Variants in ADGRG6 observed in about 807,000 individuals in gnomAD.
ADGRG6 encodes the protein adhesion G protein-coupled receptor G6.
In ADGRG6, 84 loss-of-function variants were observed where a neutral mutation model predicts 142.4. The ratio of observed to expected loss-of-function variants is 0.59; its 90% CI spans 0.49 to 0.71. ADGRG6 has a LOEUF of 0.71. Ranked by LOEUF, ADGRG6 falls within the 30% of genes least tolerant of loss-of-function variation. The probability of loss-of-function intolerance (pLI) is 0.00; values close to 1 mark genes in which losing one functional copy is unlikely to be tolerated. For synonymous variants in ADGRG6, 521 were observed against 520.5 expected (o/e 1.00, Z -0.01); for missense variants, 1,367 against 1,466.6 (o/e 0.93, Z 1.11).
intron 22 of ADGRG6, among the ~76,000 whole-genome samples, chr6:142,425,283 G>GGTAGCAGTTCCCCAA (rs1365575134): frequency 1.3e-5 from 2 of 152,158 alleles, no homozygotes; most frequent in Admixed American, 1.3e-4. Context: ...GGTAGGAGGA[G>GGTAGCAGTTCCCCAA]ACTCTCAGTG....
At chr6:142,400,675 CT>C in intron 11 of ADGRG6, 79 bp downstream of exon 11, 1 of 738,256 alleles carries the variant, frequency 1.4e-6, no homozygotes, top group Non-Finnish European at 2.4e-6. Flanking sequence ...CACGGTAGTT[CT>C]TAGGCATTAT....
intron 2 of ADGRG6, among the ~76,000 whole-genome samples, chr6:142,356,763 T>C (rs1278576702): frequency 6.6e-6 from 1 of 152,146 alleles, no homozygotes; most frequent in Non-Finnish European, 1.5e-5. Flanking sequence ...CATGGTTTGC[T>C]AATGGAGGAG....
chr6:142,321,598 T>A (rs536171452), intron 2 of ADGRG6, among the ~76,000 whole-genome samples: 1 of 151,910 alleles, frequency 6.6e-6, no homozygotes, highest in South Asian at 2.1e-4. Flanking sequence ...GGACATAGAG[T>A]ACGTACTCTA....
chr6:142,322,229 G>A (rs903439629), intron 2 of ADGRG6, among the ~76,000 whole-genome samples: 1 of 151,858 alleles, frequency 6.6e-6, no homozygotes, highest in Non-Finnish European at 1.5e-5. Context: ...GCGAGACCTC[G>A]TCTCCACAAA....
intron 22 of ADGRG6, among the ~76,000 whole-genome samples, chr6:142,425,988 G>C (rs1776923108): frequency 6.6e-6 from 1 of 152,116 alleles, no homozygotes. Flanking sequence ...ACCTTCCACT[G>C]GGTTCCTCCC....
chr6:142,341,483 A>G (rs1779628994), intron 2 of ADGRG6, among the ~76,000 whole-genome samples: 1 of 118,880 alleles, frequency 8.4e-6, no homozygotes, highest in African/African-American at 3.3e-5. Flanking sequence ...TGTAGTATAT[A>G]TACTATATAA....
intron 2 of ADGRG6, among the ~76,000 whole-genome samples, chr6:142,356,063 C>T (rs970959705): frequency 1.3e-5 from 2 of 152,178 alleles, no homozygotes; most frequent in African/African-American, 2.4e-5. Flanking sequence ...TTGCCTCACC[C>T]CCAGCCCAGT....
At chr6:142,359,223 AAAAG>A (rs1370124495) in intron 2 of ADGRG6, among the ~76,000 whole-genome samples, 1 of 151,474 alleles carries the variant, frequency 6.6e-6, no homozygotes, top group East Asian at 1.9e-4. Context: ...AAAAAAAAAA[AAAAG>A]TGCTAAACAA....
chr6:142,341,591 T>C (rs1247272979), intron 2 of ADGRG6, among the ~76,000 whole-genome samples: 1 of 124,030 alleles, frequency 8.1e-6, no homozygotes, highest in East Asian at 2.1e-4. Context: ...TATATAATAT[T>C]ATATATTATA....
intron 2 of ADGRG6, among the ~76,000 whole-genome samples, chr6:142,326,811 G>C (rs1443270714): frequency 1.3e-5 from 2 of 151,992 alleles, no homozygotes; most frequent in African/African-American, 4.8e-5. Flanking sequence ...GTGTGTGGAG[G>C]GGCATGAGTG....
In ADGRG6 at chr6:142,342,939, G is replaced by A. The variant is rs541136748; in HGVS notation, c.104-24630G>A. On this transcript the variant is annotated intron_variant, in intron 2 of 24. Coordinates refer to ENST00000367609, the MANE Select transcript of ADGRG6 (RefSeq NM_198569.3). ...ATTTACTCATGTTATTATTACCTTTGTGTATATTTCAACATGACTTGCAGA... is the reference window on the plus strand; with the variant it reads ...ATTTACTCATGTTATTATTACCTTTATGTATATTTCAACATGACTTGCAGA... Among the ~76,000 whole-genome samples, 10 of 151,592 alleles carry A rather than the reference G, an allele frequency of 6.6e-5. No homozygotes were observed. The East Asian group carries it at 1.7e-3, about 26-fold the overall frequency.
chr6:142,366,340 T>C (rs1780940213), intron 2 of ADGRG6, among the ~76,000 whole-genome samples: 1 of 152,188 alleles, frequency 6.6e-6, no homozygotes, highest in African/African-American at 2.4e-5. Flanking sequence ...TTACATTCCA[T>C]GGGAAAAACC....
chr6:142,315,817 T>A (rs1026695305), intron 2 of ADGRG6, among the ~76,000 whole-genome samples: 18 of 141,656 alleles, frequency 1.3e-4, no homozygotes, highest in Non-Finnish European at 7.5e-5. Context: ...GGCAACTACA[T>A]CTCAAATAAA....
chr6:142,422,084 A>G (rs887870149), intron 22 of ADGRG6, among the ~76,000 whole-genome samples: 7 of 152,164 alleles, frequency 4.6e-5, no homozygotes, highest in Non-Finnish European at 8.8e-5. Context: ...TAGAATTTAG[A>G]CAGCTTAAAG....
intron 22 of ADGRG6, among the ~76,000 whole-genome samples, chr6:142,427,470 G>A (rs559086786): frequency 6.6e-6 from 1 of 152,192 alleles, no homozygotes. Flanking sequence ...TTTTATCAAA[G>A]CCATTAAGTA....
intron 11 of ADGRG6, 145 bp downstream of exon 11, chr6:142,400,741 G>A: frequency 1.7e-6 from 1 of 572,892 alleles, no homozygotes; most frequent in East Asian, 2.9e-5. Flanking sequence ...ATTCACTCCT[G>A]GGGAATAAAG....
At chr6:142,316,961 A>T (rs1582966109) in intron 2 of ADGRG6, among the ~76,000 whole-genome samples, 2 of 152,048 alleles carry the variant, frequency 1.3e-5, no homozygotes, top group Admixed American at 1.3e-4. Context: ...TTGAACTGCT[A>T]ATCTCATCTC....
At chr6:142,324,004 T>G (rs750462534) in intron 2 of ADGRG6, among the ~76,000 whole-genome samples, 1 of 152,080 alleles carries the variant, frequency 6.6e-6, no homozygotes, top group Non-Finnish European at 1.5e-5. Context: ...CAACCTAAGC[T>G]GCTTTTTCCT....
At chr6:142,350,749 C>T (rs929760370) in intron 2 of ADGRG6, among the ~76,000 whole-genome samples, 7 of 152,268 alleles carry the variant, frequency 4.6e-5, no homozygotes, top group African/African-American at 1.7e-4. Context: ...ATCAGTTCTT[C>T]TACCATAGGA....
Sources: allele counts gnomAD v4.1 joint callset (sites outside exome capture counted in the v4.1 genomes callset), GRCh38; gene constraint gnomAD v4.1.1; transcripts MANE v1.5; gene names NCBI Gene and HGNC (gene_info 2026-07-23, HGNC 2026-07-21).